The following SLC44A3 variants were observed in gnomAD, a reference collection of about 807,000 sequenced individuals.
SLC44A3 encodes the protein solute carrier family 44 member 3, also known as choline transporter-like protein 3.
Under a neutral mutation model 75.4 loss-of-function variants are expected in SLC44A3, and 74 were observed. The ratio of observed to expected loss-of-function variants is 0.98; its 90% CI spans 0.81 to 1.19. The LOEUF (loss-of-function observed/expected upper bound fraction) is 1.19, where lower values mean the gene tolerates loss of function less well. SLC44A3 is among the 50% of genes most tolerant of loss of function. The pLI is 0.00. For missense variants in SLC44A3, 700 were observed against 778.6 expected (o/e 0.90, Z 1.20); for synonymous variants, 310 against 296.9 (o/e 1.04, Z -0.45).
rs371957056 is a variant in SLC44A3 at position 94,883,395 on chromosome 1, C to T, written c.1483-7735C>T. Among the ~76,000 whole-genome samples the T allele has an allele frequency of 1.8e-3, 272 of 152,140 alleles. 1 individual carries two copies. Among genetic ancestry groups the T allele is most frequent in the African/African-American group, 5.9e-3 (245 of 41,498 alleles). Reference sequence around the variant, plus strand: ...GCGCATGCCTGTATTTCCAGCTACTCGGGAGGCTGAAGTGGGAGAATCACC... The same window carrying T: ...GCGCATGCCTGTATTTCCAGCTACTTGGGAGGCTGAAGTGGGAGAATCACC... On this transcript the variant is annotated intron_variant, in intron 12 of 14. Transcript: ENST00000271227.
intron 12 of SLC44A3, among the ~76,000 whole-genome samples, chr1:94,886,536 G>A (rs893790522): frequency 1.3e-5 from 2 of 152,064 alleles, no homozygotes; most frequent in African/African-American, 4.8e-5. Context: ...CTGGAGACAG[G>A]CAACACTGGG....
chr1:94,841,939 T>C (rs868736527), intron 7 of SLC44A3, 61 bp from the exon 8 acceptor site: 1 of 1,534,970 alleles, frequency 6.5e-7, no homozygotes, highest in Middle Eastern at 1.7e-4. Context: ...TGATTCTGTG[T>C]GCTGGGGAAA....
intron 9 of SLC44A3, among the ~76,000 whole-genome samples, chr1:94,856,090 C>G (rs537177308): frequency 6.6e-6 from 1 of 152,300 alleles, no homozygotes; most frequent in Admixed American, 6.5e-5. Flanking sequence ...GAAAAGAAAG[C>G]AGGGTATAGC....
In SLC44A3 at chr1:94,894,889, G is replaced by A; in HGVS notation, c.1929G>A (p.Glu643=). Residue 643 remains glutamate, a synonymous_variant, in exon 15 of 15, where the codon GAG becomes GAA. Transcript: ENST00000271227. ...AGGACAAGCACTCATTAAGGAATGAGGAGGGAACAGAACTCCAGGCCATTG... is the reference window on the plus strand; with the variant it reads ...AGGACAAGCACTCATTAAGGAATGAAGAGGGAACAGAACTCCAGGCCATTG... ...AQQDKHSLRN[E]EGTELQAIVR 6.2e-7 allele frequency: 1 copy of A among 1,612,038 alleles called. No individual in the cohort carries two copies. The highest frequency in any genetic ancestry group is 1.1e-5 in the South Asian group (1 of 90,804).
chr1:94,894,753 C>A, intron 14 of SLC44A3, 65 bp from the exon 15 acceptor site: 3 of 1,355,138 alleles, frequency 2.2e-6, no homozygotes, highest in Non-Finnish European at 3.1e-6. Context: ...AGTTTTCCCT[C>A]GGCCCCTACG....
chr1:94,845,220 A>C lies in SLC44A3; in HGVS notation c.886-58A>C. 3 of 1,499,748 alleles carry C rather than the reference A, an allele frequency of 2.0e-6. No individual in the cohort carries two copies. The South Asian group carries it at 4.1e-5, about 20-fold the overall frequency. 92.9% of individuals were successfully genotyped at this position (1,499,748 alleles called of 1,614,324 possible). ...CATAATAATAGTAGGGCTTGCTTTA[A>C]GCTCTACCCAGTTCTCCATTATTTG... On this transcript the variant is annotated intron_variant, in intron 8 of 14. Coordinates refer to ENST00000271227, the MANE Select transcript of SLC44A3 (RefSeq NM_001114106.3).
chr1:94,888,167 G>C (rs1461068897), intron 12 of SLC44A3, among the ~76,000 whole-genome samples: 1 of 152,170 alleles, frequency 6.6e-6, no homozygotes, highest in Non-Finnish European at 1.5e-5. Context: ...TGGTAGAATT[G>C]GGATTTGAGC....
intron 5 of SLC44A3, among the ~76,000 whole-genome samples, chr1:94,831,316 C>T (rs1250220497): frequency 3.3e-5 from 5 of 152,180 alleles, no homozygotes; most frequent in Non-Finnish European, 7.3e-5. Context: ...TTTTCCTGCA[C>T]AAGCAAGTGT....
At chr1:94,840,920 C>T (rs1663541635) in intron 7 of SLC44A3, among the ~76,000 whole-genome samples, 1 of 152,178 alleles carries the variant, frequency 6.6e-6, no homozygotes, top group South Asian at 2.1e-4. Context: ...ACGCAGGAGG[C>T]TCAAGGCAGC....
At chr1:94,841,342 T>C (rs1663616059) in intron 7 of SLC44A3, among the ~76,000 whole-genome samples, 1 of 152,222 alleles carries the variant, frequency 6.6e-6, no homozygotes, top group Admixed American at 6.5e-5. Flanking sequence ...TTCTTTCCCC[T>C]GAGTCATCAG....
chr1:94,887,192 A>G (rs1387511388), intron 12 of SLC44A3, among the ~76,000 whole-genome samples: 2 of 152,178 alleles, frequency 1.3e-5, no homozygotes, highest in South Asian at 2.1e-4. Context: ...GCTCAGAACA[A>G]GGACTTACGA....
intron 12 of SLC44A3, among the ~76,000 whole-genome samples, chr1:94,876,871 T>A (rs947664834): frequency 1.3e-5 from 2 of 152,162 alleles, no homozygotes; most frequent in African/African-American, 4.8e-5. Flanking sequence ...GTTTCAGGTG[T>A]CCCTAGACAT....
intron 9 of SLC44A3, among the ~76,000 whole-genome samples, chr1:94,851,919 A>G (rs762447816): frequency 3.3e-5 from 5 of 152,246 alleles, no homozygotes; most frequent in Non-Finnish European, 7.3e-5. Flanking sequence ...CAATCATTAT[A>G]TCACCTTAGT....
chr1:94,860,890 C>T (rs1347057244), intron 10 of SLC44A3, among the ~76,000 whole-genome samples: 2 of 152,154 alleles, frequency 1.3e-5, no homozygotes, highest in African/African-American at 2.4e-5. Flanking sequence ...AGGGTAGCTG[C>T]GCAGCAGGCG....
chr1:94,881,335 C>T (rs1668944311), intron 12 of SLC44A3, among the ~76,000 whole-genome samples: 1 of 152,184 alleles, frequency 6.6e-6, no homozygotes, highest in African/African-American at 2.4e-5. Context: ...CATGAATGTT[C>T]CAGTTTCTGC....
At chr1:94,853,344 G>C (rs1665446838) in intron 9 of SLC44A3, among the ~76,000 whole-genome samples, 1 of 152,152 alleles carries the variant, frequency 6.6e-6, no homozygotes, top group African/African-American at 2.4e-5. Context: ...GAAAAGAATT[G>C]GAAAGAGTAA....
intron 9 of SLC44A3, 122 bp from the exon 10 acceptor site, chr1:94,857,213 T>C: frequency 3.0e-6 from 3 of 985,840 alleles, no homozygotes; most frequent in Admixed American, 3.1e-5. Context: ...TGGTGGGTAC[T>C]TGATTTTGGC....
intron 12 of SLC44A3, among the ~76,000 whole-genome samples, chr1:94,887,701 G>A (rs1481131733): frequency 6.6e-6 from 1 of 152,178 alleles, no homozygotes; most frequent in Non-Finnish European, 1.5e-5. Flanking sequence ...GAAGCAAGAA[G>A]CACTTTAGGA....
At chr1:94,848,153 C>T (rs1010495426) in intron 9 of SLC44A3, among the ~76,000 whole-genome samples, 17 of 150,466 alleles carry the variant, frequency 1.1e-4, no homozygotes, top group African/African-American at 1.7e-4. Flanking sequence ...AGCATGAACC[C>T]GGGAGGCGGA....
Sources: gnomAD v4.1 joint callset for allele counts (sites outside exome capture counted in the v4.1 genomes callset) on GRCh38, gnomAD v4.1.1 for gene constraint, MANE v1.5 for transcripts, NCBI Gene and HGNC (gene_info 2026-07-23, HGNC 2026-07-21) for gene names.